The following HNF4A variants were observed in gnomAD, a reference collection of about 807,000 sequenced individuals.
HNF4A encodes the protein hepatocyte nuclear factor 4-alpha.
In HNF4A, 15 loss-of-function variants were observed where a neutral mutation model predicts 52.4. The observed-to-expected ratio is 0.29, with a 90% CI of 0.19 to 0.44. The LOEUF (loss-of-function observed/expected upper bound fraction) is 0.44, where lower values mean the gene tolerates loss of function less well. HNF4A is among the 20% of genes least tolerant of loss of function. The pLI, the probability that HNF4A is intolerant of heterozygous loss-of-function variation, is 1.00. For missense variants in HNF4A, 479 were observed against 647.2 expected (o/e 0.74, Z 2.82); for synonymous variants, 280 against 264.4 (o/e 1.06, Z -0.57).
intron 1 of HNF4A, among the ~76,000 whole-genome samples, chr20:44,381,673 C>T (rs1331026176): frequency 6.6e-6 from 1 of 152,146 alleles, no homozygotes; most frequent in African/African-American, 2.4e-5. Context: ...TGCAGCGGCA[C>T]GATCTCAGCT....
intron 1 of HNF4A, among the ~76,000 whole-genome samples, chr20:44,390,251 C>T (rs960789759): frequency 2.0e-5 from 3 of 152,090 alleles, no homozygotes; most frequent in Non-Finnish European, 4.4e-5. Context: ...TAGGGCTCTC[C>T]CTGTGAATAT....
chr20:44,408,449 G>A (rs1242254896), intron 3 of HNF4A, among the ~76,000 whole-genome samples: 2 of 152,194 alleles, frequency 1.3e-5, no homozygotes, highest in Non-Finnish European at 2.9e-5. Flanking sequence ...TTGAGGCCAG[G>A]CGCAGTGAAT....
chr20:44,396,529 C>G (rs532419419), upstream of HNF4A, among the ~76,000 whole-genome samples: 1 of 152,128 alleles, frequency 6.6e-6, no homozygotes, highest in Non-Finnish European at 1.5e-5. Flanking sequence ...TCTGCTGCCT[C>G]TTGAGCTGGG....
intron 1 of HNF4A, chr20:44,402,404 C>G (rs1269685648): frequency 3.1e-5 from 11 of 360,254 alleles, no homozygotes; most frequent in Non-Finnish European, 6.2e-5. Context: ...ATATTTGTAC[C>G]TGCTGTGTAT....
At position 44,413,966 on chromosome 20, in the gene HNF4A, C is replaced by A. The variant is rs111477514; in HGVS notation, c.492+166C>A. Reference sequence around the variant, plus strand: ...CGGTTTCACATGGCCCAGTTTGCAGCAAGGGCAGGAATCGAACCTGGCGCC... The same window carrying A: ...CGGTTTCACATGGCCCAGTTTGCAGAAAGGGCAGGAATCGAACCTGGCGCC... On this transcript the variant is annotated intron_variant, in intron 4 of 9. Coordinates refer to ENST00000316099, the MANE Select transcript of HNF4A (RefSeq NM_000457.6). Among the ~76,000 whole-genome samples the A allele has an allele frequency of 6.0e-3, 908 of 152,302 alleles. 4 individuals are homozygous for A. The highest frequency in any genetic ancestry group is 0.019 in the African/African-American group (783 of 41,578).
At chr20:44,427,497 A>C (rs866931844) in intron 8 of HNF4A, among the ~76,000 whole-genome samples, 1 of 152,212 alleles carries the variant, frequency 6.6e-6, no homozygotes, top group Non-Finnish European at 1.5e-5. Context: ...AAATAGATGT[A>C]CTGTAGAGAT....
At chr20:44,417,650 A>G (rs1465731608) in intron 5 of HNF4A, among the ~76,000 whole-genome samples, 1 of 152,066 alleles carries the variant, frequency 6.6e-6, no homozygotes, top group Non-Finnish European at 1.5e-5. Flanking sequence ...AACATACAAA[A>G]TCAGGATCAG....
chr20:44,368,084 A>ATGTG (rs1388522420), intron 1 of HNF4A, among the ~76,000 whole-genome samples: 56 of 103,102 alleles, frequency 5.4e-4, no homozygotes, highest in East Asian at 2.0e-3. Flanking sequence ...ATATATATAT[A>ATGTG]TATGTGTGTG....
intron 1 of HNF4A, among the ~76,000 whole-genome samples, chr20:44,357,281 T>C (rs2062868762): frequency 6.6e-6 from 1 of 152,182 alleles, no homozygotes; most frequent in Non-Finnish European, 1.5e-5. Context: ...TTTCCTCATC[T>C]GTAAAATGAA....
At chr20:44,425,074 C>T (rs542574484) in intron 8 of HNF4A, among the ~76,000 whole-genome samples, 6 of 152,180 alleles carry the variant, frequency 3.9e-5, no homozygotes, top group African/African-American at 1.4e-4. Flanking sequence ...CTCCACCTCC[C>T]GAGTTCAAGC....
intron 1 of HNF4A, chr20:44,372,725 G>C (rs1435870152): frequency 6.6e-6 from 1 of 152,104 alleles, no homozygotes; most frequent in Non-Finnish European, 1.5e-5. Context: ...GGTGGACTGA[G>C]TTTGGGGGAA....
At chr20:44,408,917 C>A (rs2063542180) in intron 3 of HNF4A, among the ~76,000 whole-genome samples, 1 of 151,948 alleles carries the variant, frequency 6.6e-6, no homozygotes, top group Admixed American at 6.6e-5. Context: ...CCCCAGCACA[C>A]CCCAGAAGCA....
rs1448854241 is a variant in HNF4A, at chr20:44,367,361, C to T, written c.49+11508C>T. Among the ~76,000 whole-genome samples, 126 of 149,258 alleles carry T rather than the reference C, an allele frequency of 8.4e-4. 2 individuals are homozygous for T. Among genetic ancestry groups the T allele is most frequent in the Non-Finnish European group, 3.1e-4 (21 of 67,482 alleles). The stretch of plus-strand genomic sequence containing the variant: ...AAAAAAAAAAAAAAAAAATTAACTT[C>T]TTGGCCAGGCACGGTGGCTAACACC... On this transcript the variant is annotated intron_variant, in intron 1 of 9. Transcript: ENST00000316673.
intron 1 of HNF4A, among the ~76,000 whole-genome samples, chr20:44,393,568 T>C (rs1238684617): frequency 1.3e-5 from 2 of 152,136 alleles, no homozygotes; most frequent in African/African-American, 4.8e-5. Context: ...TGTGTGAGCA[T>C]GGGTATATGG....
intron 3 of HNF4A, among the ~76,000 whole-genome samples, chr20:44,411,092 G>A (rs2063574641): frequency 6.6e-6 from 1 of 152,180 alleles, no homozygotes; most frequent in Admixed American, 6.5e-5. Context: ...GGCCTAAGCT[G>A]TCAGGCCCAG....
At chr20:44,412,843 A>C (rs1365513279) in intron 3 of HNF4A, among the ~76,000 whole-genome samples, 1 of 152,090 alleles carries the variant, frequency 6.6e-6, no homozygotes, top group Non-Finnish European at 1.5e-5. Context: ...CTGGCAGGGA[A>C]ATGCCTACGG....
In HNF4A at chr20:44,423,928, G is replaced by A. The variant is rs545900523; in HGVS notation, c.893-90G>A. The A allele has an allele frequency of 1.7e-5, 21 of 1,249,660 alleles. No individual in the cohort carries two copies. The Admixed American group carries it at 2.7e-4, about 16-fold the overall frequency. 77.4% of individuals were successfully genotyped at this position (1,249,660 alleles called of 1,614,324 possible). ...CCACACTGCTGAAGACTCCTTGTGT[G>A]ATACAAGTCAGGGGACATCTGGGTC... On this transcript the variant is annotated intron_variant, in intron 7 of 9. Transcript: ENST00000316099.
intron 1 of HNF4A, chr20:44,377,969 T>C (rs967064278): frequency 6.6e-6 from 1 of 152,244 alleles, no homozygotes; most frequent in East Asian, 1.9e-4. Context: ...TTAAGAGATG[T>C]TGCTAAATTG....
chr20:44,378,760 T>C (rs1311466995), intron 1 of HNF4A, among the ~76,000 whole-genome samples: 5 of 151,028 alleles, frequency 3.3e-5, no homozygotes, highest in Non-Finnish European at 5.9e-5. Context: ...ATACTAAAAA[T>C]ACAAAAAAAT....
Sources: gnomAD v4.1 joint callset for allele counts (sites outside exome capture counted in the v4.1 genomes callset) on GRCh38, gnomAD v4.1.1 for gene constraint, MANE v1.5 for transcripts, NCBI Gene and HGNC (gene_info 2026-07-23, HGNC 2026-07-21) for gene names.